The following CUBN variants were observed in gnomAD, a reference collection of about 807,000 sequenced individuals.
CUBN encodes the protein cubilin.
In CUBN, 282 loss-of-function variants were observed where a neutral mutation model predicts 405.3. The ratio of observed to expected loss-of-function variants is 0.70; its 90% CI spans 0.63 to 0.77. CUBN has a LOEUF of 0.77. CUBN is among the 30% of genes least tolerant of loss of function. CUBN has a pLI of 0.00. For missense variants in CUBN, 4,514 were observed against 4,475.2 expected (o/e 1.01, Z -0.25); for synonymous variants, 1,684 against 1,617.0 (o/e 1.04, Z -0.99).
At chr10:17,071,760 T>G in intron 18 of CUBN, 67 bp downstream of exon 18, 2 of 1,561,582 alleles carry the variant, frequency 1.3e-6, no homozygotes, top group Non-Finnish European at 1.8e-6. Flanking sequence ...AATGACTAAA[T>G]TATTTTGAAG....
At chr10:17,097,431 G>C (rs1836399484) in intron 14 of CUBN, among the ~76,000 whole-genome samples, 1 of 152,072 alleles carries the variant, frequency 6.6e-6, no homozygotes, top group Non-Finnish European at 1.5e-5. Flanking sequence ...AAGGAAGCCT[G>C]CAGGCTCAAT....
At chr10:16,994,023 G>A (rs1423763661) in intron 28 of CUBN, among the ~76,000 whole-genome samples, 1 of 152,092 alleles carries the variant, frequency 6.6e-6, no homozygotes, top group Admixed American at 6.6e-5. Context: ...GGTACTTTCT[G>A]GTCAAAATTA....
At chr10:16,993,158 G>A (rs1446527253) in intron 28 of CUBN, among the ~76,000 whole-genome samples, 27 of 152,190 alleles carry the variant, frequency 1.8e-4, no homozygotes, top group Admixed American at 1.8e-3. Flanking sequence ...TTTCAGCTCA[G>A]ATGGTTCTTT....
intron 29 of CUBN, among the ~76,000 whole-genome samples, chr10:16,987,016 C>T (rs1475314311): frequency 1.3e-5 from 2 of 152,214 alleles, no homozygotes; most frequent in African/African-American, 2.4e-5. Flanking sequence ...TATTTACTTC[C>T]CTTCTTGCAA....
At chr10:17,022,496 G>T (rs1834525463) in intron 27 of CUBN, among the ~76,000 whole-genome samples, 1 of 152,034 alleles carries the variant, frequency 6.6e-6, no homozygotes. Context: ...CCCCTATAAT[G>T]AATAGGGGAG....
intron 17 of CUBN, among the ~76,000 whole-genome samples, chr10:17,077,435 T>A (rs1198936937): frequency 1.3e-5 from 2 of 152,208 alleles, no homozygotes; most frequent in African/African-American, 2.4e-5. Context: ...AGCTTTAACA[T>A]CTGGAATGAG....
intron 57 of CUBN, among the ~76,000 whole-genome samples, chr10:16,875,311 G>T (rs1588611141): frequency 1.3e-5 from 2 of 152,196 alleles, no homozygotes; most frequent in Admixed American, 6.5e-5. Flanking sequence ...ATGAGGATCA[G>T]ATTGTACCTC....
intron 36 of CUBN, among the ~76,000 whole-genome samples, chr10:16,946,288 A>G (rs1588507121): frequency 1.3e-5 from 2 of 152,084 alleles, no homozygotes; most frequent in East Asian, 3.9e-4. Context: ...TTTTACATCT[A>G]CTCTAGGACA....
chr10:17,059,155 C>A (rs1257292059), intron 22 of CUBN, among the ~76,000 whole-genome samples: 3 of 151,808 alleles, frequency 2.0e-5, no homozygotes, highest in African/African-American at 4.8e-5. Flanking sequence ...AAAAAACATA[C>A]AAATGCCTTC....
intron 59 of CUBN, among the ~76,000 whole-genome samples, chr10:16,862,013 G>T (rs1319012530): frequency 6.6e-6 from 1 of 152,120 alleles, no homozygotes; most frequent in Non-Finnish European, 1.5e-5. Context: ...GCCAGGCGTG[G>T]TTGCATGCGC....
At chr10:16,935,056 T>G (rs1315499342) in intron 39 of CUBN, among the ~76,000 whole-genome samples, 1 of 152,246 alleles carries the variant, frequency 6.6e-6, no homozygotes, top group East Asian at 1.9e-4. Flanking sequence ...CCTTGCTTAT[T>G]TGCTACTGTT....
chr10:16,902,100 T>C (rs989856871), intron 51 of CUBN, among the ~76,000 whole-genome samples: 2 of 134,538 alleles, frequency 1.5e-5, no homozygotes, highest in African/African-American at 5.6e-5. Flanking sequence ...TATATATATA[T>C]ACACACACAC....
At chr10:17,035,054 T>G (rs1460345678) in intron 27 of CUBN, among the ~76,000 whole-genome samples, 1 of 145,446 alleles carries the variant, frequency 6.9e-6, no homozygotes, top group African/African-American at 2.5e-5. Context: ...GATTCAAACT[T>G]CAAAACAAGA....
At chr10:17,116,177 G>T (rs1409081734) in intron 6 of CUBN, among the ~76,000 whole-genome samples, 2 of 152,210 alleles carry the variant, frequency 1.3e-5, no homozygotes, top group African/African-American at 4.8e-5. Flanking sequence ...AGCCACACTT[G>T]AATTTCCAAC....
chr10:17,084,290 C>T lies in CUBN; in HGVS notation c.2282G>A (p.Ser761Asn). 8.7e-6 allele frequency: 14 copies of T among 1,614,080 alleles called. No homozygotes were observed. The highest frequency in any genetic ancestry group is 1.2e-5 in the Non-Finnish European group (14 of 1,180,010). The change falls in exon 17 of 67, where the codon AGT becomes AAT. Residue 761 changes from serine (S) to asparagine (N), a missense_variant. Physicochemically the swap from Ser to Asn is conservative, Grantham distance 46. Around this residue, in one of 5 missense-constraint regions of CUBN, gnomAD observed 1,448 missense variants for 1,388.0 expected, o/e 1.04. Transcript: ENST00000377833. The stretch of plus-strand genomic sequence containing the variant: ...AGTTACCTCAATGTAATTCTGAGAA[C>T]TGTCACTCTGGCATTGCAGCTCCAC... ...THVELQCQSD[S>N]SQNYIEVRDG...
intron 36 of CUBN, among the ~76,000 whole-genome samples, chr10:16,943,180 T>C (rs1425602905): frequency 1.3e-5 from 2 of 152,164 alleles, no homozygotes; most frequent in Non-Finnish European, 2.9e-5. Flanking sequence ...TGCTCTAACC[T>C]AGCTCTCAAG....
At position 17,100,031 on chromosome 10, in the gene CUBN, G is replaced by C. The variant is rs766551752; in HGVS notation, c.1739C>G (p.Thr580Arg). 28 of 1,613,238 alleles carry C rather than the reference G, an allele frequency of 1.7e-5. No individual in the cohort carries two copies. Among genetic ancestry groups the C allele is most frequent in the African/African-American group, 2.7e-5 (2 of 74,842 alleles). ...SEHLRNGRGF[T>R]VRWETQQPEC... Reference sequence around the variant, plus strand: ...TGGTTGCTGTGTTTCCCATCTTACTGTAAAGCCTCTCCCATTTCTTAAATG... The same window carrying C: ...TGGTTGCTGTGTTTCCCATCTTACTCTAAAGCCTCTCCCATTTCTTAAATG... The change falls in exon 14 of 67, where the codon ACA becomes AGA. Residue 580 changes from threonine to arginine, a missense_variant. Physicochemically the swap from Thr to Arg is moderately conservative, Grantham distance 71 (BLOSUM62 -1). Transcript: ENST00000377833.
At chr10:16,964,926 T>C (rs2131656862) in intron 31 of CUBN, among the ~76,000 whole-genome samples, 1 of 152,346 alleles carries the variant, frequency 6.6e-6, no homozygotes. Context: ...CTCTTCCATG[T>C]TCCACAAACC....
At chr10:16,914,416 G>A (rs143911347) in intron 47 of CUBN, among the ~76,000 whole-genome samples, 2,128 of 152,036 alleles carry the variant, frequency 0.014, 32 homozygotes, top group African/African-American at 0.035. Context: ...AAAATTAGCC[G>A]GGCGTCGTGG....
Sources: allele counts gnomAD v4.1 joint callset (sites outside exome capture counted in the v4.1 genomes callset), GRCh38; gene constraint gnomAD v4.1.1; regional missense constraint gnomAD v4.1.1; transcripts MANE v1.5; gene names NCBI Gene and HGNC (gene_info 2026-07-23, HGNC 2026-07-21).